The following ANKS1B variants were observed in gnomAD, a reference collection of about 807,000 sequenced individuals.
ANKS1B encodes the protein ankyrin repeat and sterile alpha motif domain containing 1B, also known as ankyrin repeat and sterile alpha motif domain-containing protein 1B.
Under a neutral mutation model 148.3 loss-of-function variants are expected in ANKS1B, and 36 were observed. That is an observed-to-expected ratio of 0.24 (90% CI 0.19 to 0.32). The LOEUF (loss-of-function observed/expected upper bound fraction) is 0.32, where lower values mean the gene tolerates loss of function less well. Ranked by LOEUF, ANKS1B falls within the 10% of genes least tolerant of loss-of-function variation. ANKS1B has a pLI of 1.00. For synonymous variants in ANKS1B, 542 were observed against 560.8 expected (o/e 0.97, Z 0.47); for missense variants, 1,157 against 1,542.6 (o/e 0.75, Z 4.19).
chr12:99,316,536 A>C (rs1196815672), intron 12 of ANKS1B, among the ~76,000 whole-genome samples: 1 of 151,842 alleles, frequency 6.6e-6, no homozygotes, highest in Non-Finnish European at 1.5e-5. Flanking sequence ...TTTTCTTGTA[A>C]ATTTTTAAGT....
chr12:99,585,653 C>T (rs929787670), intron 9 of ANKS1B, among the ~76,000 whole-genome samples: 1 of 152,184 alleles, frequency 6.6e-6, no homozygotes, highest in Non-Finnish European at 1.5e-5. Context: ...CCTGGACATC[C>T]AGAAGTTTCC....
At chr12:98,970,145 A>C (rs951147754) in intron 17 of ANKS1B, among the ~76,000 whole-genome samples, 2 of 152,152 alleles carry the variant, frequency 1.3e-5, no homozygotes, top group African/African-American at 4.8e-5. Context: ...AACTCTTCTC[A>C]ATATGTATTT....
rs374453521 is a variant in ANKS1B at position 99,655,145 on chromosome 12, C to T, written c.1194G>A (p.Thr398=). The T allele has an allele frequency of 7.6e-5, 123 of 1,612,678 alleles. No homozygotes were observed. Among genetic ancestry groups the T allele is most frequent in the South Asian group, 6.5e-4 (59 of 90,884 alleles). The change falls in exon 9 of 27, where the codon ACG becomes ACA. Residue 398 remains threonine (T), a synonymous_variant. Transcript: ENST00000683438. ...CTTCCCAAAGTCCTGATGGCCCACA[C>T]GTATTTTCATCATCATCCTCTTCTT... ...EVEEEDDDEN[T]CGPSGLWEAL... is the part of the protein sequence containing the mutation.
chr12:99,273,372 A>G (rs2077266087), intron 12 of ANKS1B, among the ~76,000 whole-genome samples: 2 of 152,084 alleles, frequency 1.3e-5, no homozygotes, highest in Admixed American at 6.5e-5. Context: ...CTAATTGACA[A>G]TTCGCACAAT....
chr12:98,780,298 G>T (rs2098721584), intron 24 of ANKS1B, among the ~76,000 whole-genome samples: 1 of 152,198 alleles, frequency 6.6e-6, no homozygotes, highest in Non-Finnish European at 1.5e-5. Flanking sequence ...TAGTTGAAAG[G>T]ATGCAGGAAT....
intron 9 of ANKS1B, among the ~76,000 whole-genome samples, chr12:99,592,613 G>A (rs1049404071): frequency 1.3e-5 from 2 of 152,038 alleles, no homozygotes; most frequent in African/African-American, 4.8e-5. Context: ...AGAAGAGAAA[G>A]AAGATGAAGA....
intron 12 of ANKS1B, among the ~76,000 whole-genome samples, chr12:99,358,277 C>A (rs998590753): frequency 3.9e-5 from 6 of 152,080 alleles, no homozygotes; most frequent in Non-Finnish European, 7.4e-5. Context: ...TCAGTAAACA[C>A]AAGACCCATA....
At chr12:99,544,877 T>C (rs958901112) in intron 9 of ANKS1B, among the ~76,000 whole-genome samples, 1 of 152,176 alleles carries the variant, frequency 6.6e-6, no homozygotes, top group African/African-American at 2.4e-5. Flanking sequence ...CAGTGTTTTC[T>C]TCTTCTGGCT....
intron 14 of ANKS1B, among the ~76,000 whole-genome samples, chr12:99,194,899 G>A (rs946242973): frequency 1.3e-5 from 2 of 152,134 alleles, no homozygotes; most frequent in African/African-American, 4.8e-5. Context: ...AGGTTTTGAA[G>A]TTGGGTGATA....
chr12:99,809,493 G>C (rs7485172), intron 3 of ANKS1B, among the ~76,000 whole-genome samples: 1 of 151,972 alleles, frequency 6.6e-6, no homozygotes, highest in South Asian at 2.1e-4. Flanking sequence ...GAAATAATCA[G>C]ATGATAAAAG....
intron 17 of ANKS1B, among the ~76,000 whole-genome samples, chr12:98,911,904 T>A (rs1361035250): frequency 1.3e-5 from 2 of 152,186 alleles, no homozygotes; most frequent in African/African-American, 2.4e-5. Context: ...TCAAACCCTT[T>A]CCTATCCCTC....
intron 14 of ANKS1B, among the ~76,000 whole-genome samples, chr12:99,161,884 C>A (rs2076689886): frequency 6.6e-6 from 1 of 152,080 alleles, no homozygotes; most frequent in East Asian, 1.9e-4. Context: ...AAAGAGAGCC[C>A]TGCTATAACC....
At chr12:99,856,617 G>A (rs771659925) in intron 1 of ANKS1B, among the ~76,000 whole-genome samples, 4 of 151,864 alleles carry the variant, frequency 2.6e-5, no homozygotes, top group Non-Finnish European at 2.9e-5. Flanking sequence ...TGATGAACAC[G>A]GACACAAAAA....
intron 17 of ANKS1B, among the ~76,000 whole-genome samples, chr12:98,904,133 C>G (rs1285390994): frequency 6.6e-6 from 1 of 151,646 alleles, no homozygotes; most frequent in Admixed American, 6.6e-5. Context: ...ATTTTAGAAG[C>G]TGCTGCACAA....
intron 8 of ANKS1B, among the ~76,000 whole-genome samples, chr12:99,673,513 A>G (rs1402960916): frequency 1.3e-5 from 2 of 152,094 alleles, no homozygotes; most frequent in African/African-American, 4.8e-5. Flanking sequence ...TATGCAATAT[A>G]AACAATAGTA....
At chr12:99,751,344 T>C (rs2061088233) in intron 8 of ANKS1B, among the ~76,000 whole-genome samples, 1 of 152,060 alleles carries the variant, frequency 6.6e-6, no homozygotes, top group African/African-American at 2.4e-5. Flanking sequence ...AGTTTTGCCA[T>C]ATTCCTATAA....
intron 22 of ANKS1B, among the ~76,000 whole-genome samples, chr12:98,798,209 G>C (rs1316687147): frequency 6.6e-6 from 1 of 150,566 alleles, no homozygotes; most frequent in East Asian, 2.0e-4. Flanking sequence ...TGCAAGCTCT[G>C]CCTTCAGGTT....
rs138874778 is a variant in ANKS1B at position 99,741,313 on chromosome 12, C to T, written c.1128+31609G>A. 2.2e-3 allele frequency among the ~76,000 whole-genome samples: 331 copies of T among 151,822 alleles called. 14 individuals carry two copies. The East Asian group carries it at 0.051, about 23-fold the overall frequency. ...AAGCTTTACACTGTTGATGGGAGTTCGACCATTGTGGAAGACAGTGTGGCA... is the reference window on the plus strand; with the variant it reads ...AAGCTTTACACTGTTGATGGGAGTTTGACCATTGTGGAAGACAGTGTGGCA... On this transcript the variant is annotated intron_variant, in intron 8 of 26. Coordinates refer to ENST00000683438, the MANE Select transcript of ANKS1B (RefSeq NM_001352186.2).
chr12:99,363,033 G>T (rs985180345), intron 12 of ANKS1B, among the ~76,000 whole-genome samples: 2 of 151,948 alleles, frequency 1.3e-5, no homozygotes, highest in Non-Finnish European at 2.9e-5. Context: ...ATGGAGGATG[G>T]TTATAGATAT....
Sources: gnomAD v4.1 joint callset for allele counts (sites outside exome capture counted in the v4.1 genomes callset) on GRCh38, gnomAD v4.1.1 for gene constraint, MANE v1.5 for transcripts, NCBI Gene and HGNC (gene_info 2026-07-23, HGNC 2026-07-21) for gene names.